The following XPO7 variants were observed in gnomAD, a reference collection of about 807,000 sequenced individuals.
XPO7 encodes exportin 7.
A neutral mutation model predicts 144.3 loss-of-function variants in XPO7; 21 were observed. The ratio of observed to expected loss-of-function variants is 0.15; its 90% CI spans 0.10 to 0.21. The LOEUF is 0.21. XPO7 is among the 10% of genes least tolerant of loss of function. XPO7 has a pLI of 1.00. For synonymous variants in XPO7, 580 were observed against 499.6 expected (o/e 1.16, Z -2.15); for missense variants, 808 against 1,325.8 (o/e 0.61, Z 6.06).
At chr8:21,958,622 A>C (rs539487886) in intron 1 of XPO7, among the ~76,000 whole-genome samples, 54 of 151,798 alleles carry the variant, frequency 3.6e-4, no homozygotes, top group Non-Finnish European at 5.4e-4. Flanking sequence ...AAAAAAAAAA[A>C]CCCGTAAAGG....
At chr8:21,939,452 C>G (rs1425482484) in intron 1 of XPO7, among the ~76,000 whole-genome samples, 1 of 152,090 alleles carries the variant, frequency 6.6e-6, no homozygotes, top group Non-Finnish European at 1.5e-5. Flanking sequence ...AACTCCCAAC[C>G]TCAGGTGATC....
chr8:21,952,384 G>A (rs1308028875), intron 1 of XPO7, among the ~76,000 whole-genome samples: 4 of 152,000 alleles, frequency 2.6e-5, no homozygotes, highest in African/African-American at 9.7e-5. Flanking sequence ...AACTGTTGAA[G>A]TATGTCAGAA....
intron 1 of XPO7, among the ~76,000 whole-genome samples, chr8:21,950,324 A>G (rs891115522): frequency 4.6e-5 from 7 of 152,220 alleles, no homozygotes; most frequent in Non-Finnish European, 8.8e-5. Context: ...GACATTTTCA[A>G]AGAAACACCT....
chr8:21,932,576 G>A (rs974621631), intron 1 of XPO7, among the ~76,000 whole-genome samples: 3 of 151,830 alleles, frequency 2.0e-5, no homozygotes, highest in African/African-American at 4.8e-5. Context: ...TACACGTGGT[G>A]TTTTGGGTTT....
chr8:21,942,567 A>T (rs1256857703), intron 1 of XPO7, among the ~76,000 whole-genome samples: 1 of 152,232 alleles, frequency 6.6e-6, no homozygotes, highest in African/African-American at 2.4e-5. Flanking sequence ...GAAGTGTGTG[A>T]TAAAAATCCA....
In XPO7 at chr8:21,981,725, TG is replaced by T. The variant is rs1297711789; in HGVS notation, c.958-5del. 12 of 1,613,400 alleles carry T rather than the reference TG, an allele frequency of 7.4e-6. No homozygotes were observed. The highest frequency in any genetic ancestry group is 1.0e-5 in the Non-Finnish European group (12 of 1,179,472). ...ACATTTTATTTTTCTCCTCTGCTAC[TG>T]CCAGAGTTTATCAGACCCAAACAAT... is the stretch of plus-strand genomic sequence containing the variant. On this transcript the variant is annotated splice_region_variant and splice_polypyrimidine_tract_variant and intron_variant, in intron 9 of 27. Coordinates refer to ENST00000252512, the MANE Select transcript of XPO7 (RefSeq NM_015024.5).
intron 1 of XPO7, among the ~76,000 whole-genome samples, chr8:21,957,449 T>A (rs147143140): frequency 6.6e-6 from 1 of 152,330 alleles, no homozygotes; most frequent in African/African-American, 2.4e-5. Flanking sequence ...TGGCTAGGGA[T>A]TTGGCTTTCT....
rs1812349607 is a variant in XPO7, at chr8:21,979,952, T to C, written c.838-132T>C. On this transcript the variant is annotated intron_variant, in intron 8 of 27. Coordinates refer to ENST00000252512, the MANE Select transcript of XPO7 (RefSeq NM_015024.5). ...GTGGTCTGCTTGGATCTATGTTCTT[T>C]TCTTTTCTCTTTTTAAAATAATGTT... 4 of 1,159,336 alleles carry C rather than the reference T, an allele frequency of 3.5e-6. No homozygotes were observed. The South Asian group carries it at 6.4e-5, about 19-fold the overall frequency. The allele number at this position is 1,159,336 out of a possible 1,614,324, so 71.8% of individuals were successfully genotyped here.
At chr8:22,002,939 G>T in intron 25 of XPO7, 1 of 246,214 alleles carries the variant, frequency 4.1e-6, no homozygotes, top group Non-Finnish European at 7.9e-6. Flanking sequence ...TTTTGTTTAC[G>T]TGACCCCATC....
intron 21 of XPO7, among the ~76,000 whole-genome samples, chr8:21,997,675 C>T (rs1247955798): frequency 6.6e-6 from 1 of 152,014 alleles, no homozygotes; most frequent in Non-Finnish European, 1.5e-5. Context: ...CTGTGGGAAG[C>T]CGCTAGAGTG....
In XPO7 at chr8:21,982,746, C is replaced by G; in HGVS notation, c.1211C>G (p.Thr404Ser). 6.2e-7 allele frequency: 1 copy of G among 1,613,984 alleles called. No individual in the cohort carries two copies. The highest frequency in any genetic ancestry group is 8.5e-7 in the Non-Finnish European group (1 of 1,179,884). ...GCCACAGAGCCCCACATGCTGGAAA[C>G]TTACACTCCTGAGGTCACCAAAGCC... ...VKATEPHMLE[T>S]YTPEVTKAYI... Residue 404 changes from threonine to serine, a missense_variant, in exon 11 of 28, where the codon ACT becomes AGT. Coordinates refer to ENST00000252512, the MANE Select transcript of XPO7 (RefSeq NM_015024.5).
chr8:22,002,182 A>T lies in XPO7; in HGVS notation c.2853A>T (p.Ser951=). ...HIVTYLFKQL[S]RSTKKRTTPL... ...TGACATACCTCTTCAAGCAGCTGTC[A>T]CGTAGCACCAAGAAGAGGACCACAC... The change falls in exon 25 of 28, where the codon TCA becomes TCT. Residue 951 remains serine (S), a synonymous_variant. Transcript: ENST00000252512. 1 of 1,613,212 alleles carries T rather than the reference A, an allele frequency of 6.2e-7. No individual in the cohort carries two copies. Among genetic ancestry groups the T allele is most frequent in the East Asian group, 2.2e-5 (1 of 44,880 alleles).
Position 22,003,355 on chromosome 8 carries a change from G to A in XPO7, c.3042+38G>A, listed in dbSNP as rs558320625. The A allele has an allele frequency of 1.1e-5, 17 of 1,531,492 alleles. No homozygotes were observed. In the African/African-American group the frequency reaches 1.4e-4, roughly 12 times the overall value. The allele number at this position is 1,531,492 out of a possible 1,614,324, so 94.9% of individuals were successfully genotyped here. A position where few individuals can be genotyped will look rare whatever the true frequency, so the allele number is the denominator to read the frequency against. ...GCTCCCTGGTGCCAACCCAGAAGCA[G>A]TGGCAACCACGCACTTGGTATCACC... On this transcript the variant is annotated intron_variant, in intron 26 of 27. Coordinates refer to ENST00000252512, the MANE Select transcript of XPO7 (RefSeq NM_015024.5).
Position 21,988,970 on chromosome 8 carries a change from T to G in XPO7, c.1788-33T>G, listed in dbSNP as rs781578140. On this transcript the variant is annotated intron_variant, in intron 15 of 27. Transcript: ENST00000252512. ...CAAGGAAACCAGCAAATCAAAAGGG[T>G]CTCCTGCTTTTTTTTTTCTTTTTGT... The G allele has an allele frequency of 5.0e-6, 8 of 1,600,756 alleles. No homozygotes were observed. In the South Asian group the frequency reaches 9.0e-5, roughly 18 times the overall value.
Position 21,990,862 on chromosome 8 carries a change from A to G in XPO7, c.1984A>G (p.Met662Val). The G allele has an allele frequency of 6.2e-7, 1 of 1,613,908 alleles. No individual in the cohort carries two copies. Among genetic ancestry groups the G allele is most frequent in the Non-Finnish European group, 8.5e-7 (1 of 1,179,856 alleles). The stretch of plus-strand genomic sequence containing the variant: ...TAACAATCAGTCCAACCTGACAGAC[A>G]TGCGGTGTCGGACTACCTTCTACAC... The part of the protein sequence containing the change: ...GINNQSNLTD[M>V]RCRTTFYTAL... Residue 662 changes from methionine to valine, a missense_variant, in exon 18 of 28, where the codon ATG (methionine) becomes GTG (valine). Transcript: ENST00000252512.
chr8:21,982,702 C>T lies in XPO7; in HGVS notation c.1167C>T (p.Ala389=). The T allele has an allele frequency of 1.2e-6, 2 of 1,613,706 alleles. No individual in the cohort carries two copies. The highest frequency in any genetic ancestry group is 1.7e-6 in the Non-Finnish European group (2 of 1,179,772). The change falls in exon 11 of 28, where the codon GCC becomes GCT. Residue 389 remains alanine (A), a synonymous_variant. Coordinates refer to ENST00000252512, the MANE Select transcript of XPO7 (RefSeq NM_015024.5). ...YLLSLWQRLA[A]SVPYVKATEP... Reference sequence around the variant, plus strand: ...TGAGCCTGTGGCAGCGGCTGGCAGCCTCTGTGCCGTATGTCAAAGCCACAG... The same window carrying T: ...TGAGCCTGTGGCAGCGGCTGGCAGCTTCTGTGCCGTATGTCAAAGCCACAG...
chr8:21,982,007 T>A, intron 10 of XPO7, 130 bp downstream of exon 10: 1 of 1,204,458 alleles, frequency 8.3e-7, no homozygotes, highest in Middle Eastern at 2.3e-4. Context: ...CCCTACAGAG[T>A]AGTTACTATT....
chr8:21,929,125 AGT>A (rs1810558977), intron 1 of XPO7, among the ~76,000 whole-genome samples: 1 of 152,258 alleles, frequency 6.6e-6, no homozygotes, highest in Non-Finnish European at 1.5e-5. Flanking sequence ...TCAAGTGCTC[AGT>A]AGCCACATGA....
chr8:21,939,569 A>C (rs1474886953), intron 1 of XPO7, among the ~76,000 whole-genome samples: 2 of 152,218 alleles, frequency 1.3e-5, no homozygotes, highest in Non-Finnish European at 2.9e-5. Flanking sequence ...CCAACAACCA[A>C]GTAATGACTT....
Sources: gnomAD v4.1 joint callset for allele counts (sites outside exome capture counted in the v4.1 genomes callset) on GRCh38, gnomAD v4.1.1 for gene constraint, MANE v1.5 for transcripts, NCBI Gene and HGNC (gene_info 2026-07-23, HGNC 2026-07-21) for gene names.